LRRC14: variants seen among roughly 807,000 people sequenced by gnomAD.
LRRC14 encodes the protein leucine-rich repeat-containing protein 14.
A neutral mutation model predicts 25.3 loss-of-function variants in LRRC14; 16 were observed. That is an observed-to-expected ratio of 0.63 (90% CI 0.43 to 0.96). The LOEUF (loss-of-function observed/expected upper bound fraction) is 0.96. Ranked by LOEUF, LRRC14 falls within the 40% of genes least tolerant of loss-of-function variation. LRRC14 has a pLI of 0.00. For missense variants in LRRC14, 594 were observed against 660.5 expected (o/e 0.90, Z 1.10); for synonymous variants, 359 against 295.1 (o/e 1.22, Z -2.22).
At chr8:144,520,209 C>T (rs756807238) in intron 2 of LRRC14, 29 bp from the exon 3 acceptor site, 3 of 1,597,806 alleles carry the variant, frequency 1.9e-6, no homozygotes, top group Admixed American at 1.7e-5. Context: ...TGCCCCTCCA[C>T]CCCTTCCTCA....
chr8:144,523,252 G>A lies in LRRC14; in HGVS notation c.*1774G>A, dbSNP rs762382268. ...CGTGGACAGAGGGCGGAATGCAGAT[G>A]AGGCTGCTGTGGGATACGTCCAGGA... On this transcript the variant is annotated 3_prime_UTR_variant, in exon 4 of 4. Coordinates refer to ENST00000292524, the MANE Select transcript of LRRC14 (RefSeq NM_014665.4). The A allele has an allele frequency of 3.1e-6, 5 of 1,610,492 alleles. No homozygotes were observed. The highest frequency in any genetic ancestry group is 3.4e-5 in the Admixed American group (2 of 59,636).
At chr8:144,520,888 T>G in intron 3 of LRRC14, 23 bp from the exon 4 acceptor site, 2 of 1,599,968 alleles carry the variant, frequency 1.3e-6, no homozygotes. Context: ...TCTGCCTGTC[T>G]GTGACCCCTG....
Position 144,522,723 on chromosome 8 carries a change from G to C in LRRC14, c.*1245G>C, listed in dbSNP as rs1377113908. ...CCCGGAGGCCCCCGCGCCTTTTTTC[G>C]CCTGCGGCGCCGGCGACAGATCATG... On this transcript the variant is annotated 3_prime_UTR_variant, in exon 4 of 4. Transcript: ENST00000292524. 2 of 1,593,338 alleles carry C rather than the reference G, an allele frequency of 1.3e-6. No homozygotes were observed. The highest frequency in any genetic ancestry group is 1.7e-6 in the Non-Finnish European group (2 of 1,171,286).
rs1444627461 is a variant in LRRC14, at chr8:144,522,358, C to T, written c.*880C>T. 7.6e-7 allele frequency: 1 copy of T among 1,320,648 alleles called. No homozygotes were observed. Among genetic ancestry groups the T allele is most frequent in the African/African-American group, 1.5e-5 (1 of 64,782 alleles). The allele number at this position is 1,320,648 out of a possible 1,614,324, so 81.8% of individuals were successfully genotyped here. On this transcript the variant is annotated 3_prime_UTR_variant, in exon 4 of 4. Coordinates refer to ENST00000292524, the MANE Select transcript of LRRC14 (RefSeq NM_014665.4). ...GGATTCCCGAGTGCAACGTTCCCGG[C>T]TCGCGCCCCACACACGGCTCAGCGC...
chr8:144,520,662 A>T lies in LRRC14; in HGVS notation c.754A>T (p.Ser252Cys). Residue 252 changes from serine (S) to cysteine (C), a missense_variant, in exon 3 of 4, where the codon AGC (serine) becomes TGC (cysteine). Ser to Cys is a moderately radical substitution (Grantham distance 112, BLOSUM62 -1). Transcript: ENST00000292524. ...CGTGGCCCGCTTCCAGCACCTGGCC[A>T]GCCTGCGGCTCCACTATGTGCATGG... Reference protein sequence around the residue: ...PHVARFQHLASLRLHYVHGDS... With the variant: ...PHVARFQHLACLRLHYVHGDS... The T allele has an allele frequency of 6.2e-7, 1 of 1,601,516 alleles. No individual in the cohort carries two copies.
chr8:144,522,862 G>C lies in LRRC14; in HGVS notation c.*1384G>C. 2 of 1,270,462 alleles carry C rather than the reference G, an allele frequency of 1.6e-6. No homozygotes were observed. The highest frequency in any genetic ancestry group is 2.0e-6 in the Non-Finnish European group (2 of 1,014,888). The allele number at this position is 1,270,462 out of a possible 1,614,324, so 78.7% of individuals were successfully genotyped here. ...TGCTGCCCGCCTCGGGCCGGGGCTC[G>C]CTGCCGGCGGGGCGGGCGGCCGGAG... On this transcript the variant is annotated 3_prime_UTR_variant, in exon 4 of 4. Coordinates refer to ENST00000292524, the MANE Select transcript of LRRC14 (RefSeq NM_014665.4).
Position 144,522,861 on chromosome 8 carries a change from C to T in LRRC14, c.*1383C>T, listed in dbSNP as rs1383796094. ...ATGCTGCCCGCCTCGGGCCGGGGCTCGCTGCCGGCGGGGCGGGCGGCCGGA... is the reference window on the plus strand; with the variant it reads ...ATGCTGCCCGCCTCGGGCCGGGGCTTGCTGCCGGCGGGGCGGGCGGCCGGA... On this transcript the variant is annotated 3_prime_UTR_variant, in exon 4 of 4. Coordinates refer to ENST00000292524, the MANE Select transcript of LRRC14 (RefSeq NM_014665.4). 25 of 1,271,230 alleles carry T rather than the reference C, an allele frequency of 2.0e-5. No homozygotes were observed. The highest frequency in any genetic ancestry group is 4.2e-5 in the Admixed American group (1 of 23,722). 78.7% of individuals were successfully genotyped at this position (1,271,230 alleles called of 1,614,324 possible). A position where few individuals can be genotyped will look rare whatever the true frequency, so the allele number is the denominator to read the frequency against.
rs1357289901 is a variant in LRRC14, at chr8:144,523,314, T to G, written c.*1836T>G. ...GCCAGGCGCGGGGGCTCTGCACACA[T>G]GATCTTCCTGTCCCTGGAGGTGAGC... is the stretch of plus-strand genomic sequence containing the variant. On this transcript the variant is annotated 3_prime_UTR_variant, in exon 4 of 4. Transcript: ENST00000292524. 6.2e-7 allele frequency: 1 copy of G among 1,609,448 alleles called. No homozygotes were observed. The highest frequency in any genetic ancestry group is 1.1e-5 in the South Asian group (1 of 90,854).
At position 144,524,078 on chromosome 8, in the gene LRRC14, C is replaced by T. The variant is rs866380832; in HGVS notation, c.*2600C>T. ...TGCTCCCTACTGCCAACACCGTGGCCCAGACAGAGACGCTTTCCGAGGAAG... is the reference window on the plus strand; with the variant it reads ...TGCTCCCTACTGCCAACACCGTGGCTCAGACAGAGACGCTTTCCGAGGAAG... On this transcript the variant is annotated 3_prime_UTR_variant, in exon 4 of 4. Transcript: ENST00000292524. 2 of 1,588,498 alleles carry T rather than the reference C, an allele frequency of 1.3e-6. No homozygotes were observed. The highest frequency in any genetic ancestry group is 2.3e-4 in the Middle Eastern group (1 of 4,442).
rs1342440739 is a variant in LRRC14 at position 144,522,563 on chromosome 8, G to A, written c.*1085G>A. 2 of 1,547,616 alleles carry A rather than the reference G, an allele frequency of 1.3e-6. No homozygotes were observed. Among genetic ancestry groups the A allele is most frequent in the Admixed American group, 1.9e-5 (1 of 51,418 alleles). On this transcript the variant is annotated 3_prime_UTR_variant, in exon 4 of 4. Transcript: ENST00000292524. ...CGGGCCGCAGTCAGCGGGCGCCTCC[G>A]CCGGACCCTCGGCGAAGAGCGGCTT... is the stretch of plus-strand genomic sequence containing the variant.
Position 144,522,610 on chromosome 8 carries a change from C to T in LRRC14, c.*1132C>T, listed in dbSNP as rs1289065487. On this transcript the variant is annotated 3_prime_UTR_variant, in exon 4 of 4. Transcript: ENST00000292524. The stretch of plus-strand genomic sequence containing the variant: ...GCTTGGAGCGGTTGATGACGAACAT[C>T]TCGTGGCCGCGCTCGTCGCGGAGCT... 5 of 1,571,394 alleles carry T rather than the reference C, an allele frequency of 3.2e-6. No homozygotes were observed. The highest frequency in any genetic ancestry group is 2.5e-5 in the East Asian group (1 of 40,580).
rs1420521080 is a variant in LRRC14 at position 144,520,298 on chromosome 8, T to C, written c.390T>C (p.Asp130=). ...TCTTGGATGATGGTGTGGAACAGGA[T>C]CCTGGCACCATGAGCATGTGGGACT... ...TGLLDDGVEQ[D]PGTMSMWDCT... Residue 130 remains aspartate, a synonymous_variant, in exon 3 of 4, where the codon GAT becomes GAC. Coordinates refer to ENST00000292524, the MANE Select transcript of LRRC14 (RefSeq NM_014665.4). 1 of 1,612,224 alleles carries C rather than the reference T, an allele frequency of 6.2e-7. No homozygotes were observed.
rs1816174569 is a variant in LRRC14 at position 144,522,864 on chromosome 8, T to C, written c.*1386T>C. Reference sequence around the variant, plus strand: ...CTGCCCGCCTCGGGCCGGGGCTCGCTGCCGGCGGGGCGGGCGGCCGGAGGC... The same window carrying C: ...CTGCCCGCCTCGGGCCGGGGCTCGCCGCCGGCGGGGCGGGCGGCCGGAGGC... On this transcript the variant is annotated 3_prime_UTR_variant, in exon 4 of 4. Transcript: ENST00000292524. The C allele has an allele frequency of 1.6e-6, 2 of 1,269,798 alleles. No individual in the cohort carries two copies. Among genetic ancestry groups the C allele is most frequent in the African/African-American group, 1.6e-5 (1 of 64,306 alleles). 78.7% of individuals were successfully genotyped at this position (1,269,798 alleles called of 1,614,324 possible).
In LRRC14 at chr8:144,525,018, G is replaced by C. The variant is rs369669808; in HGVS notation, c.*3540G>C. 6 of 1,395,142 alleles carry C rather than the reference G, an allele frequency of 4.3e-6. No homozygotes were observed. The highest frequency in any genetic ancestry group is 2.8e-5 in the East Asian group (1 of 35,754). The allele number at this position is 1,395,142 out of a possible 1,614,324, so 86.4% of individuals were successfully genotyped here. A position where few individuals can be genotyped will look rare whatever the true frequency, so the allele number is the denominator to read the frequency against. ...TCACCGGCCCTTCCGCGGTTCAGCC[G>C]CAGACGCGTGCCCTCCTGAAACACA... On this transcript the variant is annotated 3_prime_UTR_variant, in exon 4 of 4. Transcript: ENST00000292524.
At position 144,522,499 on chromosome 8, in the gene LRRC14, C is replaced by G; in HGVS notation, c.*1021C>G. ...CCTAGCAGTGGATCTCGTAGGCGAC[C>G]GGCGGGGGCACGCGGAGTCCCGGCC... On this transcript the variant is annotated 3_prime_UTR_variant, in exon 4 of 4. Coordinates refer to ENST00000292524, the MANE Select transcript of LRRC14 (RefSeq NM_014665.4). The G allele has an allele frequency of 6.7e-7, 1 of 1,493,948 alleles. No homozygotes were observed. The allele number at this position is 1,493,948 out of a possible 1,614,324, so 92.5% of individuals were successfully genotyped here.
Position 144,520,664 on chromosome 8 carries a change from C to T in LRRC14, c.756C>T (p.Ser252=), listed in dbSNP as rs773266924. The T allele has an allele frequency of 1.2e-6, 2 of 1,601,288 alleles. No homozygotes were observed. The highest frequency in any genetic ancestry group is 8.5e-7 in the Non-Finnish European group (1 of 1,179,968). ...TGGCCCGCTTCCAGCACCTGGCCAG[C>T]CTGCGGCTCCACTATGTGCATGGGG... ...PHVARFQHLA[S]LRLHYVHGDS... Residue 252 remains serine, a synonymous_variant, in exon 3 of 4, where the codon AGC becomes AGT. Coordinates refer to ENST00000292524, the MANE Select transcript of LRRC14 (RefSeq NM_014665.4).
At chr8:144,520,171 C>G in intron 2 of LRRC14, 67 bp from the exon 3 acceptor site, 1 of 1,576,590 alleles carries the variant, frequency 6.3e-7, no homozygotes, top group Non-Finnish European at 8.6e-7. Context: ...GCTCCTGTCC[C>G]AAGGTGGCTG....
chr8:144,520,637 C>T lies in LRRC14; in HGVS notation c.729C>T (p.His243=), dbSNP rs569308081. 5.7e-5 allele frequency: 91 copies of T among 1,601,994 alleles called. No homozygotes were observed. In the East Asian group the frequency reaches 8.7e-4, roughly 15 times the overall value. The change falls in exon 3 of 4, where the codon CAC becomes CAT. Residue 243 remains histidine, a synonymous_variant. Transcript: ENST00000292524. ...GCGGCCTGTCTGTGATCATCCCACA[C>T]GTGGCCCGCTTCCAGCACCTGGCCA... ...GLRGLSVIIP[H]VARFQHLASL... is the part of the protein sequence containing the mutation.
chr8:144,521,115 TGA>T lies in LRRC14; in HGVS notation c.1121_1122del (p.Glu374ValfsTer48). ...AATLLHLELTECQLADTQLLA... is the reference protein window; with the variant it reads ...AATLLHLELTXCQLADTQLLA... ...CCACACTGTTGCATCTGGAGCTGACTGAGTGTCAGCTCGCAGACACCCAGCTG... is the reference window on the plus strand; with the variant it reads ...CCACACTGTTGCATCTGGAGCTGACTGTGTCAGCTCGCAGACACCCAGCTG... On this transcript the variant is annotated frameshift_variant, in exon 4 of 4. Coordinates refer to ENST00000292524, the MANE Select transcript of LRRC14 (RefSeq NM_014665.4). LOFTEE classifies it low-confidence loss of function (END_TRUNC). The T allele has an allele frequency of 6.2e-7, 1 of 1,612,996 alleles. No homozygotes were observed.
Sources: allele counts gnomAD v4.1 joint callset, GRCh38; gene constraint gnomAD v4.1.1; transcripts MANE v1.5; gene names NCBI Gene and HGNC (gene_info 2026-07-23, HGNC 2026-07-21).